The following XKR4 variants were observed in gnomAD, a reference collection of about 807,000 sequenced individuals.
The protein encoded by XKR4 is XK related 4.
In XKR4, 12 loss-of-function variants were observed where a neutral mutation model predicts 53.9. That is an observed-to-expected ratio of 0.22 (90% confidence interval 0.14 to 0.36). The LOEUF is 0.36. XKR4 is among the 10% of genes least tolerant of loss of function. The pLI is 1.00. For missense variants in XKR4, 799 were observed against 859.5 expected, an observed-to-expected ratio of 0.93 and a Z score of 0.88; for synonymous variants, 354 against 362.4, an observed-to-expected ratio of 0.98 and a Z score of 0.26.
intron 1 of XKR4, among the ~76,000 whole-genome samples, chr8:55,208,936 G>A (rs539807306): frequency 7.4e-4 from 113 of 152,256 alleles, no homozygotes; most frequent in African/African-American, 2.7e-3. Flanking sequence ...ACATATCAAA[G>A]GTTGTATGTA....
intron 1 of XKR4, among the ~76,000 whole-genome samples, chr8:55,347,970 T>C (rs149164466): frequency 6.6e-6 from 1 of 152,160 alleles, no homozygotes; most frequent in Admixed American, 6.6e-5. Flanking sequence ...CCATGCAGAA[T>C]CCTCAAAAGG....
intron 1 of XKR4, among the ~76,000 whole-genome samples, chr8:55,344,626 G>C (rs1331030035): frequency 6.6e-6 from 1 of 152,132 alleles, no homozygotes; most frequent in Non-Finnish European, 1.5e-5. Flanking sequence ...TTGCATGTAG[G>C]AGCTCTACAG....
intron 1 of XKR4, among the ~76,000 whole-genome samples, chr8:55,257,806 C>A (rs1428849225): frequency 6.6e-6 from 1 of 152,140 alleles, no homozygotes; most frequent in African/African-American, 2.4e-5. Context: ...TTGATTTTTG[C>A]ATTCCGGTGT....
intron 1 of XKR4, among the ~76,000 whole-genome samples, chr8:55,187,071 C>A (rs912646062): frequency 6.6e-6 from 1 of 151,898 alleles, no homozygotes; most frequent in Admixed American, 6.6e-5. Flanking sequence ...ATCTGTCATG[C>A]ACAGTTTAGT....
chr8:55,436,750 C>T (rs1304815787), intron 2 of XKR4, among the ~76,000 whole-genome samples: 1 of 152,206 alleles, frequency 6.6e-6, no homozygotes, highest in East Asian at 1.9e-4. Context: ...CAAATCACTT[C>T]TCTTCTTGGA....
chr8:55,520,616 G>T (rs552505511), intron 2 of XKR4, among the ~76,000 whole-genome samples: 17 of 152,338 alleles, frequency 1.1e-4, no homozygotes, highest in Admixed American at 9.2e-4. Context: ...AGGAAGAAGA[G>T]AAATTCTCAT....
At chr8:55,174,838 A>G (rs1490274928) in intron 1 of XKR4, among the ~76,000 whole-genome samples, 2 of 152,080 alleles carry the variant, frequency 1.3e-5, no homozygotes, top group African/African-American at 2.4e-5. Context: ...GAAACATCTC[A>G]TGGAGCAGCG....
intron 2 of XKR4, among the ~76,000 whole-genome samples, chr8:55,370,933 T>C (rs1198886264): frequency 1.3e-5 from 2 of 151,906 alleles, no homozygotes; most frequent in Non-Finnish European, 2.9e-5. Context: ...AGCCCTATGC[T>C]AGGCAAGACA....
intron 1 of XKR4, among the ~76,000 whole-genome samples, chr8:55,263,979 A>G (rs929284895): frequency 6.6e-6 from 1 of 152,196 alleles, no homozygotes; most frequent in Non-Finnish European, 1.5e-5. Flanking sequence ...AGTTGTTTTA[A>G]AGGCACATTT....
intron 1 of XKR4, among the ~76,000 whole-genome samples, chr8:55,317,965 G>C (rs994137742): frequency 2.0e-5 from 3 of 152,198 alleles, no homozygotes; most frequent in South Asian, 4.1e-4. Context: ...TAGGAAGCCA[G>C]GTCATGAAAT....
intron 1 of XKR4, among the ~76,000 whole-genome samples, chr8:55,208,481 T>C (rs969950789): frequency 1.3e-5 from 2 of 152,066 alleles, no homozygotes; most frequent in African/African-American, 4.8e-5. Flanking sequence ...TTTTTTCTTT[T>C]CTTTTTTTTT....
chr8:55,192,892 G>A (rs6473975), intron 1 of XKR4, among the ~76,000 whole-genome samples: 45,556 of 151,874 alleles, frequency 0.3, 7,734 homozygotes, highest in African/African-American at 0.47. Flanking sequence ...TTCCATCCCC[G>A]TGTGGGAGTG....
At chr8:55,363,396 C>G (rs937910458) in intron 2 of XKR4, among the ~76,000 whole-genome samples, 6 of 152,190 alleles carry the variant, frequency 3.9e-5, no homozygotes, top group African/African-American at 1.4e-4. Flanking sequence ...GAAGGGGTTT[C>G]TAATTATTCC....
At chr8:55,301,264 G>C (rs9657055) in intron 1 of XKR4, among the ~76,000 whole-genome samples, 96,469 of 150,620 alleles carry the variant, frequency 0.64, 33,020 homozygotes, top group African/African-American at 0.89. Flanking sequence ...TTTGTCCTTG[G>C]GATAGTTTGC....
At chr8:55,408,678 G>T (rs1006822515) in intron 2 of XKR4, among the ~76,000 whole-genome samples, 1 of 152,168 alleles carries the variant, frequency 6.6e-6, no homozygotes. Context: ...ACCCAAGCTT[G>T]TAGGCTATTG....
chr8:55,106,847 G>T (rs1049113423), intron 1 of XKR4, among the ~76,000 whole-genome samples: 4 of 152,140 alleles, frequency 2.6e-5, no homozygotes, highest in African/African-American at 9.7e-5. Flanking sequence ...GGAAAAATGT[G>T]AGGAAAATGC....
At chr8:55,478,021 C>T (rs1446109758) in intron 2 of XKR4, among the ~76,000 whole-genome samples, 1 of 152,096 alleles carries the variant, frequency 6.6e-6, no homozygotes, top group African/African-American at 2.4e-5. Context: ...TCTAGCAAGG[C>T]AGGTCAACAT....
At position 55,168,178 on chromosome 8, in the gene XKR4, G is replaced by T. The variant is rs548969844; in HGVS notation, c.806+64884G>T. 2.3e-4 allele frequency among the ~76,000 whole-genome samples: 35 copies of T among 152,270 alleles called. No individual in the cohort carries two copies. In the Middle Eastern group the frequency reaches 0.01, roughly 44 times the overall value. On this transcript the variant is annotated intron_variant, in intron 1 of 2. Transcript: ENST00000327381. The stretch of plus-strand genomic sequence containing the variant: ...GTGAAATATTTATCATTCACTCTCT[G>T]AATCTGGAACTCTTCTATTGGCCAA...
chr8:55,341,510 T>C (rs1353770779), intron 1 of XKR4, among the ~76,000 whole-genome samples: 1 of 152,176 alleles, frequency 6.6e-6, no homozygotes, highest in Non-Finnish European at 1.5e-5. Flanking sequence ...CCCTGGATTC[T>C]CTGTGTTTCC....
Sources: allele counts gnomAD v4.1 joint callset (sites outside exome capture counted in the v4.1 genomes callset), GRCh38; gene constraint gnomAD v4.1.1; transcripts MANE v1.5; gene names NCBI Gene and HGNC (gene_info 2026-07-23, HGNC 2026-07-21).